BOC: variants seen among roughly 807,000 people sequenced by gnomAD.
BOC encodes brother of CDO.
A neutral mutation model predicts 112.0 loss-of-function variants in BOC; 76 were observed. The ratio of observed to expected loss-of-function variants is 0.68; its 90% CI spans 0.56 to 0.82. BOC has a LOEUF of 0.82. BOC is among the 40% of genes least tolerant of loss of function. BOC has a pLI of 0.00. For synonymous variants in BOC, 580 were observed against 599.8 expected (o/e 0.97, Z 0.48); for missense variants, 1,309 against 1,511.7 (o/e 0.87, Z 2.22).
intron 1 of BOC, chr3:113,212,659 G>T (rs73853781): frequency 0.013 from 1,967 of 152,848 alleles, 51 homozygotes; most frequent in African/African-American, 0.044. Context: ...CGAGTGGCCC[G>T]AGGTGTCTGA....
intron 2 of BOC, among the ~76,000 whole-genome samples, chr3:113,245,888 C>G (rs916867930): frequency 6.6e-6 from 1 of 152,190 alleles, no homozygotes; most frequent in Non-Finnish European, 1.5e-5. Context: ...CTGACAGCTG[C>G]CGTGGCATGG....
intron 2 of BOC, among the ~76,000 whole-genome samples, chr3:113,236,280 GGGTATATATATATATATATATATATA>G (rs1943478435): frequency 2.3e-5 from 1 of 42,566 alleles, no homozygotes; most frequent in African/African-American, 1.0e-4. Context: ...ATATACCCAT[GGGTATATATATATATATATATATATA>G]TATATACCCA....
Position 113,286,991 on chromosome 3 carries a change from A to G in BOC, c.*129A>G. ...CATATTTATATATTTATGCACTTGT[A>G]AATAAATGTATATGTTTTATAATTC... is the stretch of plus-strand genomic sequence containing the variant. On this transcript the variant is annotated 3_prime_UTR_variant, in exon 20 of 20. Transcript: ENST00000682979. 1 of 965,012 alleles carries G rather than the reference A, an allele frequency of 1.0e-6. No homozygotes were observed. Among genetic ancestry groups the G allele is most frequent in the Non-Finnish European group, 1.6e-6 (1 of 636,830 alleles). 59.8% of individuals were successfully genotyped at this position (965,012 alleles called of 1,614,324 possible).
At chr3:113,285,186 G>A (rs1576518435) in intron 18 of BOC, among the ~76,000 whole-genome samples, 186 bp from the exon 19 acceptor site, 1 of 152,252 alleles carries the variant, frequency 6.6e-6, no homozygotes, top group Non-Finnish European at 1.5e-5. Flanking sequence ...AATGGAAATG[G>A]ACTAGAATGA....
In BOC at chr3:113,273,211, C is replaced by T. The variant is rs1322953572; in HGVS notation, c.1104C>T (p.Arg368=). Residue 368 remains arginine (R), a synonymous_variant, in exon 8 of 20, where the codon CGC becomes CGT. Coordinates refer to ENST00000682979, the MANE Select transcript of BOC (RefSeq NM_001378074.1). ...RNAVPLISSQ[R]LRLSRRALRV... Reference sequence around the variant, plus strand: ...CTGTGCCCCTCATCTCCAGCCAGCGCCTCCGGCTCTCCCGCAGGGCCCTGC... The same window carrying T: ...CTGTGCCCCTCATCTCCAGCCAGCGTCTCCGGCTCTCCCGCAGGGCCCTGC... 1 of 1,613,830 alleles carries T rather than the reference C, an allele frequency of 6.2e-7. No homozygotes were observed. The highest frequency in any genetic ancestry group is 8.5e-7 in the Non-Finnish European group (1 of 1,180,020).
intron 2 of BOC, among the ~76,000 whole-genome samples, chr3:113,245,298 G>A (rs1459510673): frequency 5.9e-5 from 9 of 152,044 alleles, no homozygotes; most frequent in Non-Finnish European, 1.2e-4. Flanking sequence ...TGCCCAGGCT[G>A]GAATGCAGTG....
intron 5 of BOC, 60 bp downstream of exon 5, chr3:113,268,505 A>T (rs1947761408): frequency 1.3e-6 from 2 of 1,533,640 alleles, no homozygotes; most frequent in Non-Finnish European, 8.9e-7. Context: ...GGCCTCCTCC[A>T]ACCGCTCGCT....
At chr3:113,272,006 A>T in intron 6 of BOC, 1 of 226,460 alleles carries the variant, frequency 4.4e-6, no homozygotes, top group South Asian at 9.0e-5. Context: ...TGGGGTTGAG[A>T]GCATGGCAGA....
Position 113,274,553 on chromosome 3 carries a change from C to T in BOC, c.1413C>T (p.Pro471=), listed in dbSNP as rs763271741. The change falls in exon 9 of 20, where the codon CCC becomes CCT. Residue 471 remains proline, a synonymous_variant. Coordinates refer to ENST00000682979, the MANE Select transcript of BOC (RefSeq NM_001378074.1). The surrounding 1 kb of genome is among the most constrained non-coding windows in gnomAD (Gnocchi z 4.8). ...CAGGAGAGAAGGGGCAGGGGGCTCC[C>T]GCCGAGGCTCCCATCATCCTCAGCT... is the stretch of plus-strand genomic sequence containing the variant. ...QCPGEKGQGA[P]AEAPIILSSP... is the part of the protein sequence containing the mutation. The T allele has an allele frequency of 6.2e-6, 10 of 1,613,350 alleles. 1 individual carries two copies. Among genetic ancestry groups the T allele is most frequent in the Admixed American group, 5.0e-5 (3 of 60,010 alleles).
intron 13 of BOC, 27 bp from the exon 14 acceptor site, chr3:113,280,531 A>G (rs981014687): frequency 4.6e-6 from 7 of 1,509,296 alleles, no homozygotes; most frequent in Non-Finnish European, 6.5e-6. Context: ...GCCCATTGTC[A>G]ACTTGTTTCT....
At position 113,284,582 on chromosome 3, in the gene BOC, G is replaced by A. The variant is rs1358443738; in HGVS notation, c.2889+15G>A. 8.1e-6 allele frequency: 13 copies of A among 1,603,216 alleles called. No homozygotes were observed. The highest frequency in any genetic ancestry group is 1.1e-5 in the Non-Finnish European group (13 of 1,174,842). The stretch of plus-strand genomic sequence containing the variant: ...AGCTTCAGCAGGTAGCGCATTCTTG[G>A]GTGTGGGCGGCAGGTATGGGACACC... On this transcript the variant is annotated intron_variant, in intron 17 of 19. Coordinates refer to ENST00000682979, the MANE Select transcript of BOC (RefSeq NM_001378074.1).
rs1338045540 is a variant in BOC, at chr3:113,274,861, T to C, written c.1542+179T>C. ...CCATCCCTGCCACCTCCCAGGAAGCTGGTTGTAAGATGGGTGTGTGGGACC... is the reference window on the plus strand; with the variant it reads ...CCATCCCTGCCACCTCCCAGGAAGCCGGTTGTAAGATGGGTGTGTGGGACC... On this transcript the variant is annotated intron_variant, in intron 9 of 19. Coordinates refer to ENST00000682979, the MANE Select transcript of BOC (RefSeq NM_001378074.1). The surrounding 1 kb of genome is among the most constrained non-coding windows in gnomAD (Gnocchi z 4.8). Among the ~76,000 whole-genome samples, 1 of 152,134 alleles carries C rather than the reference T, an allele frequency of 6.6e-6. No homozygotes were observed. Among genetic ancestry groups the C allele is most frequent in the Admixed American group, 6.5e-5 (1 of 15,280 alleles).
intron 2 of BOC, among the ~76,000 whole-genome samples, chr3:113,232,518 C>T (rs1942776290): frequency 6.6e-6 from 1 of 151,986 alleles, no homozygotes; most frequent in South Asian, 2.1e-4. Context: ...TGTCATGACT[C>T]CAAAGCATAC....
intron 2 of BOC, among the ~76,000 whole-genome samples, chr3:113,229,236 G>T (rs1295336073): frequency 6.6e-6 from 1 of 152,214 alleles, no homozygotes; most frequent in African/African-American, 2.4e-5. Context: ...AAAGCCCTCT[G>T]GTCTGATCTG....
At chr3:113,279,146 G>T in intron 11 of BOC, 103 bp from the exon 12 acceptor site, 1 of 1,213,864 alleles carries the variant, frequency 8.2e-7, no homozygotes. Context: ...GGGCCCGTCA[G>T]GAGCAGGCCA....
intron 19 of BOC, among the ~76,000 whole-genome samples, chr3:113,286,427 G>C (rs1009245001): frequency 2.6e-5 from 4 of 152,174 alleles, no homozygotes; most frequent in Admixed American, 2.6e-4. Flanking sequence ...TGCTCCTGTG[G>C]TGTGGGCTCA....
At chr3:113,244,417 A>G (rs1351944819) in intron 2 of BOC, among the ~76,000 whole-genome samples, 3 of 152,258 alleles carry the variant, frequency 2.0e-5, no homozygotes, top group Non-Finnish European at 2.9e-5. Context: ...TGGCTAGAGC[A>G]TGACTTATAC....
chr3:113,281,221 C>T, intron 15 of BOC, 68 bp downstream of exon 15: 3 of 1,579,670 alleles, frequency 1.9e-6, no homozygotes, highest in Admixed American at 1.7e-5. Flanking sequence ...TCACCATTCC[C>T]TGTGCCTGTG....
intron 4 of BOC, among the ~76,000 whole-genome samples, chr3:113,267,827 A>T (rs916458486): frequency 1.3e-5 from 2 of 152,140 alleles, no homozygotes; most frequent in African/African-American, 4.8e-5. Flanking sequence ...TCCTGGGTTC[A>T]TGCCATTCTC....
Sources: allele counts gnomAD v4.1 joint callset (sites outside exome capture counted in the v4.1 genomes callset), GRCh38; gene constraint gnomAD v4.1.1; non-coding constraint Gnocchi (gnomAD v3.1); transcripts MANE v1.5; gene names NCBI Gene and HGNC (gene_info 2026-07-23, HGNC 2026-07-21).